The following SVOP variants were observed in gnomAD, a reference collection of about 807,000 sequenced individuals.
The protein encoded by SVOP is SV2 related protein.
Under a neutral mutation model 69.1 loss-of-function variants are expected in SVOP, and 17 were observed. That is an observed-to-expected ratio of 0.25 (90% confidence interval 0.17 to 0.37). SVOP has a LOEUF of 0.37. Ranked by LOEUF, SVOP falls within the 10% of genes least tolerant of loss-of-function variation. The probability of loss-of-function intolerance (pLI) is 1.00; values close to 1 mark genes in which losing one functional copy is unlikely to be tolerated. For synonymous variants in SVOP, 238 were observed against 238.6 expected, an observed-to-expected ratio of 1.00 and a Z score of 0.02; for missense variants, 435 against 597.5, an observed-to-expected ratio of 0.73 and a Z score of 2.84.
chr12:108,966,691 C>T (rs1049325231), intron 5 of SVOP, among the ~76,000 whole-genome samples: 17 of 152,000 alleles, frequency 1.1e-4, no homozygotes, highest in African/African-American at 3.6e-4. Flanking sequence ...CTGGTCAGGC[C>T]GGTTTCATGT....
chr12:108,945,193 G>T, intron 6 of SVOP, 27 bp from the exon 7 acceptor site: 1 of 1,536,206 alleles, frequency 6.5e-7, no homozygotes, highest in South Asian at 1.2e-5. Context: ...GAAAGAAAGG[G>T]AGTTAAGATC....
rs183388564 is a variant in SVOP at position 108,941,612 on chromosome 12, C to T, written c.643-703G>A. Among the ~76,000 whole-genome samples, 369 of 152,112 alleles carry T rather than the reference C, an allele frequency of 2.4e-3. 2 individuals carry two copies. Among genetic ancestry groups the T allele is most frequent in the East Asian group, 1.9e-3 (10 of 5,172 alleles). On this transcript the variant is annotated intron_variant, in intron 7 of 15. Coordinates refer to ENST00000610966, the MANE Select transcript of SVOP (RefSeq NM_018711.5). ...ATTCACAATATTGCACAAACATCACCACTCCCCTTCTCCAGAACTCAATTT... is the reference window on the plus strand; with the variant it reads ...ATTCACAATATTGCACAAACATCACTACTCCCCTTCTCCAGAACTCAATTT...
At chr12:108,933,814 A>G (rs2039838619) in intron 11 of SVOP, among the ~76,000 whole-genome samples, 1 of 152,212 alleles carries the variant, frequency 6.6e-6, no homozygotes, top group South Asian at 2.1e-4. Flanking sequence ...TTTTAATCCA[A>G]TAAGGAAAGT....
intron 1 of SVOP, among the ~76,000 whole-genome samples, chr12:109,014,126 G>A (rs10849928): frequency 0.43 from 64,210 of 150,242 alleles, 16,743 homozygotes; most frequent in East Asian, 0.66. Flanking sequence ...AGCGATTCTC[G>A]TGCCTCAGCC....
At chr12:109,020,697 C>A in intron 1 of SVOP, 137 bp downstream of exon 1, 4 of 553,960 alleles carry the variant, frequency 7.2e-6, no homozygotes, top group Non-Finnish European at 9.7e-6. Flanking sequence ...TCCTCCAGGC[C>A]CTAATTCCTT....
At chr12:108,967,580 G>A (rs887807025) in intron 5 of SVOP, among the ~76,000 whole-genome samples, 2 of 152,134 alleles carry the variant, frequency 1.3e-5, no homozygotes, top group African/African-American at 4.8e-5. Context: ...AACATGAAGA[G>A]CGGATGCCAC....
intron 1 of SVOP, among the ~76,000 whole-genome samples, chr12:109,014,912 C>T (rs993719371): frequency 6.6e-6 from 1 of 152,026 alleles, no homozygotes. Context: ...TTGGTAGAGA[C>T]GGGGTCTTGC....
rs1212623580 is a variant in SVOP, at chr12:108,977,446, C to A, written c.333G>T (p.Leu111=). ...AGCTTGGGAGCCTCCACTCGCAATG[C>A]AGCTGTGGTGCCAGGATGCTGAGGA... The part of the protein sequence containing the change: ...MMILSILAPQ[L]HCEWRLPSWQ... Residue 111 remains leucine (L), a synonymous_variant, in exon 4 of 16, where the codon CTG becomes CTT. Transcript: ENST00000610966. 7 of 1,537,118 alleles carry A rather than the reference C, an allele frequency of 4.6e-6. No individual in the cohort carries two copies. In the East Asian group the frequency reaches 1.7e-4, roughly 38 times the overall value.
rs768877233 is a variant in SVOP at position 108,914,571 on chromosome 12, C to CT, written c.1440+1211dup. Among the ~76,000 whole-genome samples, 88 of 151,200 alleles carry CT rather than the reference C, an allele frequency of 5.8e-4. 1 individual carries two copies. In the East Asian group the frequency reaches 7.4e-3, roughly 13 times the overall value. ...TTTGTCGGCATACTTGTTTTCTTTC[C>CT]TTTTTTTTTCTTTTTGAGACAAGGT... On this transcript the variant is annotated intron_variant, in intron 15 of 15. Coordinates refer to ENST00000610966, the MANE Select transcript of SVOP (RefSeq NM_018711.5).
chr12:108,913,691 C>T (rs1389075130), intron 15 of SVOP, among the ~76,000 whole-genome samples: 1 of 152,188 alleles, frequency 6.6e-6, no homozygotes, highest in Non-Finnish European at 1.5e-5. Flanking sequence ...GCTCTGTCTC[C>T]AGGCTGGAGT....
At chr12:108,938,246 G>A (rs187277271) in intron 9 of SVOP, among the ~76,000 whole-genome samples, 2 of 152,328 alleles carry the variant, frequency 1.3e-5, no homozygotes, top group Admixed American at 6.5e-5. Context: ...AATCGGCTTG[G>A]ATGGTTCTTG....
chr12:108,967,488 G>A (rs1047846096), intron 5 of SVOP, among the ~76,000 whole-genome samples: 16 of 150,682 alleles, frequency 1.1e-4, no homozygotes, highest in Admixed American at 3.3e-4. Flanking sequence ...GACAAAGCGC[G>A]ACTTTGTCTC....
At chr12:109,014,310 C>G (rs756491187) in intron 1 of SVOP, among the ~76,000 whole-genome samples, 5 of 152,150 alleles carry the variant, frequency 3.3e-5, no homozygotes, top group African/African-American at 1.2e-4. Context: ...CCACTGCACC[C>G]GGCCAAAATG....
At chr12:108,923,469 C>T (rs2039762282) in intron 11 of SVOP, among the ~76,000 whole-genome samples, 1 of 152,090 alleles carries the variant, frequency 6.6e-6, no homozygotes, top group South Asian at 2.1e-4. Flanking sequence ...CAACAACCAA[C>T]ATAGGTGGGG....
intron 6 of SVOP, among the ~76,000 whole-genome samples, chr12:108,951,551 G>A (rs2039953747): frequency 6.6e-6 from 1 of 152,166 alleles, no homozygotes; most frequent in South Asian, 2.1e-4. Flanking sequence ...CCTCCGTAGA[G>A]AGAAAGTGTA....
chr12:108,982,863 C>CCAT (rs1263544071), intron 2 of SVOP, among the ~76,000 whole-genome samples: 1 of 129,572 alleles, frequency 7.7e-6, no homozygotes, highest in Non-Finnish European at 1.6e-5. Flanking sequence ...ATCATCACCA[C>CCAT]CATCATCATC....
intron 9 of SVOP, among the ~76,000 whole-genome samples, chr12:108,937,816 T>C (rs2039865330): frequency 6.6e-6 from 1 of 152,262 alleles, no homozygotes. Context: ...CAATTTTACA[T>C]AATTCACAAA....
intron 6 of SVOP, among the ~76,000 whole-genome samples, chr12:108,957,619 T>G (rs949513942): frequency 3.9e-5 from 6 of 152,236 alleles, no homozygotes; most frequent in African/African-American, 1.2e-4. Flanking sequence ...GCCCCATCTA[T>G]CATAGGGCCA....
At chr12:109,018,548 C>T (rs931875643) in intron 1 of SVOP, among the ~76,000 whole-genome samples, 18 of 152,152 alleles carry the variant, frequency 1.2e-4, no homozygotes, top group South Asian at 2.1e-4. Context: ...ATATTGCTCT[C>T]GGGAAATCTG....
Sources: allele counts gnomAD v4.1 joint callset (sites outside exome capture counted in the v4.1 genomes callset), GRCh38; gene constraint gnomAD v4.1.1; transcripts MANE v1.5; gene names NCBI Gene and HGNC (gene_info 2026-07-23, HGNC 2026-07-21).